CCSER1: variants seen among roughly 807,000 people sequenced by gnomAD.
CCSER1 encodes the protein serine-rich coiled-coil domain-containing protein 1.
CCSER1 carries 41 observed loss-of-function variants against 82.0 expected under a neutral mutation model. The observed-to-expected ratio is 0.50, with a 90% CI of 0.39 to 0.65. CCSER1 has a LOEUF of 0.65. Among genes scored for constraint, CCSER1 ranks in the 30% least tolerant of loss-of-function variants. The probability of loss-of-function intolerance (pLI) is 0.00; values close to 1 mark genes in which losing one functional copy is unlikely to be tolerated. For missense variants in CCSER1, 1,119 were observed against 1,064.2 expected (o/e 1.05, Z -0.72); for synonymous variants, 414 against 383.9 (o/e 1.08, Z -0.92).
At chr4:91,167,723 A>C (rs374296303) in intron 10 of CCSER1, among the ~76,000 whole-genome samples, 3 of 152,228 alleles carry the variant, frequency 2.0e-5, no homozygotes, top group East Asian at 1.9e-4. Context: ...TATATGATTT[A>C]CCTAAATTTA....
chr4:90,856,656 C>T (rs961411387), intron 8 of CCSER1, among the ~76,000 whole-genome samples: 1 of 152,056 alleles, frequency 6.6e-6, no homozygotes, highest in Admixed American at 6.6e-5. Context: ...AAGATCTATT[C>T]CCATTTATAA....
At chr4:90,538,621 T>C (rs1404565936) in intron 5 of CCSER1, among the ~76,000 whole-genome samples, 1 of 152,196 alleles carries the variant, frequency 6.6e-6, no homozygotes, top group African/African-American at 2.4e-5. Flanking sequence ...TGATATACTG[T>C]ATTTTATAAC....
intron 5 of CCSER1, among the ~76,000 whole-genome samples, chr4:90,537,285 C>T (rs1372872132): frequency 2.0e-5 from 3 of 152,068 alleles, no homozygotes; most frequent in Non-Finnish European, 4.4e-5. Context: ...TCTTCCATTT[C>T]CATTACTTTC....
At chr4:91,362,320 G>C (rs2149313767) in intron 10 of CCSER1, among the ~76,000 whole-genome samples, 1 of 151,790 alleles carries the variant, frequency 6.6e-6, no homozygotes, top group Non-Finnish European at 1.5e-5. Flanking sequence ...ATGTGAGTAG[G>C]AGTATGGGGC....
At chr4:91,249,549 T>G (rs374638646) in intron 10 of CCSER1, among the ~76,000 whole-genome samples, 190 of 152,226 alleles carry the variant, frequency 1.2e-3, no homozygotes, top group African/African-American at 4.3e-3. Flanking sequence ...TACCTCACAC[T>G]TATCACTGTT....
chr4:90,877,699 T>G (rs1306272286), intron 8 of CCSER1, among the ~76,000 whole-genome samples: 2 of 131,390 alleles, frequency 1.5e-5, no homozygotes, highest in Admixed American at 7.8e-5. Flanking sequence ...GAATGGAGAA[T>G]AGAAGGAAAA....
intron 9 of CCSER1, among the ~76,000 whole-genome samples, chr4:91,085,183 T>C (rs1436157028): frequency 6.6e-6 from 1 of 151,954 alleles, no homozygotes; most frequent in Non-Finnish European, 1.5e-5. Context: ...ATATAATTAT[T>C]ATTATGTGCT....
chr4:90,196,558 C>G (rs1174293605), intron 1 of CCSER1, among the ~76,000 whole-genome samples: 1 of 151,718 alleles, frequency 6.6e-6, no homozygotes, highest in Non-Finnish European at 1.5e-5. Flanking sequence ...GAGCTGGAGT[C>G]TTTCTGGATA....
intron 10 of CCSER1, among the ~76,000 whole-genome samples, chr4:91,517,940 T>C (rs1318076253): frequency 6.6e-6 from 1 of 152,112 alleles, no homozygotes; most frequent in African/African-American, 2.4e-5. Flanking sequence ...ATGTTGAAGT[T>C]TGGGATGTGA....
At chr4:90,808,684 A>G (rs1482958126) in intron 7 of CCSER1, among the ~76,000 whole-genome samples, 3 of 152,226 alleles carry the variant, frequency 2.0e-5, no homozygotes, top group Admixed American at 6.5e-5. Context: ...TAAAACCACA[A>G]TGAGATGTCA....
chr4:91,105,802 T>C (rs1388910529), intron 10 of CCSER1, among the ~76,000 whole-genome samples: 1 of 152,202 alleles, frequency 6.6e-6, no homozygotes, highest in Non-Finnish European at 1.5e-5. Flanking sequence ...AAAACTGGTT[T>C]ATTTTTTCCT....
At chr4:90,643,922 TA>T (rs1560870518) in intron 6 of CCSER1, among the ~76,000 whole-genome samples, 1 of 152,184 alleles carries the variant, frequency 6.6e-6, no homozygotes, top group Non-Finnish European at 1.5e-5. Flanking sequence ...AAGTTTTTTT[TA>T]ATTTTAGTAT....
At position 90,499,627 on chromosome 4, in the gene CCSER1, G is replaced by A. The variant is rs953498127; in HGVS notation, c.1724+31273G>A. Among the ~76,000 whole-genome samples the A allele has an allele frequency of 2.6e-5, 4 of 151,952 alleles. No individual in the cohort carries two copies. The South Asian group carries it at 8.3e-4, about 31-fold the overall frequency. ...CTGAGCTTGTATGTCTTCATAACCA[G>A]TTATGACCAAACCTGTTGTTCAACC... is the stretch of plus-strand genomic sequence containing the variant. On this transcript the variant is annotated intron_variant, in intron 5 of 10. Transcript: ENST00000509176.
intron 6 of CCSER1, among the ~76,000 whole-genome samples, chr4:90,716,056 TA>T (rs1362433319): frequency 6.6e-6 from 1 of 151,236 alleles, no homozygotes; most frequent in African/African-American, 2.4e-5. Flanking sequence ...AGTTTAATAA[TA>T]ATATATATAT....
chr4:91,595,943 TAAAA>T (rs1170927227), intron 10 of CCSER1, among the ~76,000 whole-genome samples: 24 of 78,858 alleles, frequency 3.0e-4, no homozygotes, highest in South Asian at 2.2e-3. Flanking sequence ...ACAGAGAACT[TAAAA>T]AAAAAAAAAA....
chr4:90,708,983 G>A (rs1739963558), intron 6 of CCSER1, among the ~76,000 whole-genome samples: 1 of 152,116 alleles, frequency 6.6e-6, no homozygotes, highest in Non-Finnish European at 1.5e-5. Context: ...GCCTTTAACT[G>A]AGACTTTATA....
intron 9 of CCSER1, among the ~76,000 whole-genome samples, chr4:90,968,082 A>T (rs370001849): frequency 3.3e-5 from 5 of 152,002 alleles, no homozygotes; most frequent in African/African-American, 1.2e-4. Flanking sequence ...GCCCCTTCCA[A>T]ACCTCACAGA....
At chr4:90,256,462 A>C (rs1723301151) in intron 1 of CCSER1, among the ~76,000 whole-genome samples, 1 of 152,148 alleles carries the variant, frequency 6.6e-6, no homozygotes, top group Non-Finnish European at 1.5e-5. Flanking sequence ...CACAGTTTTT[A>C]AGTGTTGATT....
intron 1 of CCSER1, among the ~76,000 whole-genome samples, chr4:90,243,082 A>G (rs72659485): frequency 1.0e-5 from 1 of 99,490 alleles, no homozygotes; most frequent in Non-Finnish European, 2.0e-5. Flanking sequence ...TTTTTTTTTT[A>G]AAATAGGATC....
Sources: gnomAD v4.1 joint callset for allele counts (sites outside exome capture counted in the v4.1 genomes callset) on GRCh38, gnomAD v4.1.1 for gene constraint, MANE v1.5 for transcripts, NCBI Gene and HGNC (gene_info 2026-07-23, HGNC 2026-07-21) for gene names.